TSPAN7: variants seen among roughly 807,000 people sequenced by gnomAD.
TSPAN7 encodes the protein tetraspanin 7, also known as tetraspanin-7.
TSPAN7 carries 1 observed loss-of-function variant against 17.6 expected under a neutral mutation model. The ratio of observed to expected loss-of-function variants is 0.06; its 90% confidence interval spans 0.02 to 0.27. The LOEUF is 0.27. Ranked by LOEUF, TSPAN7 falls within the 10% of genes least tolerant of loss-of-function variation. The pLI is 1.00. For synonymous variants in TSPAN7, 78 were observed against 79.0 expected (o/e 0.99, Z 0.07); for missense variants, 112 against 201.7 (o/e 0.56, Z 2.69).
intron 1 of TSPAN7, among the ~76,000 whole-genome samples, chrX:38,604,866 A>G (rs1417987082): frequency 7.2e-5 from 8 of 111,328 alleles, no homozygotes; most frequent in African/African-American, 2.6e-4. Context: ...ACAACCCTTC[A>G]TGCTAAAAAT....
intron 1 of TSPAN7, among the ~76,000 whole-genome samples, chrX:38,576,929 T>C (rs1265893108): frequency 9.0e-6 from 1 of 111,579 alleles, no homozygotes; most frequent in Non-Finnish European, 1.9e-5. Flanking sequence ...AGCTACACTT[T>C]GCAGGCCTTA....
chrX:38,620,894 C>T (rs1002005020), intron 1 of TSPAN7, among the ~76,000 whole-genome samples: 4 of 112,469 alleles, frequency 3.6e-5, no homozygotes, highest in Non-Finnish European at 7.5e-5. Context: ...TTTCCTCACT[C>T]TGTTCCCAAC....
chrX:38,586,411 G>T (rs1236836038), intron 1 of TSPAN7, among the ~76,000 whole-genome samples: 2 of 112,221 alleles, frequency 1.8e-5, no homozygotes, highest in Non-Finnish European at 3.8e-5. Context: ...ATAAAACAAT[G>T]TATTTCTTTT....
chrX:38,683,732 C>T (rs1056248404), intron 6 of TSPAN7, among the ~76,000 whole-genome samples: 1 of 112,975 alleles, frequency 8.9e-6, no homozygotes, highest in South Asian at 3.6e-4. Context: ...GGCTTCCAGA[C>T]GTCCATAGAT....
chrX:38,572,111 C>T (rs1047942914), intron 1 of TSPAN7, among the ~76,000 whole-genome samples: 3 of 111,270 alleles, frequency 2.7e-5, no homozygotes, highest in Non-Finnish European at 5.7e-5. Context: ...TAAAACAAAA[C>T]CCAGAATTCA....
At position 38,682,194 on chromosome X, in the gene TSPAN7, ATTTC is replaced by A. The variant is rs1425183390; in HGVS notation, c.681+911_681+914del. The stretch of plus-strand genomic sequence containing the variant: ...AGCTCTCATTTTTTATTATTTTTTT[ATTTC>A]TTTTTATTTAGGACCTGGTGTCTAC... On this transcript the variant is annotated intron_variant, in intron 6 of 7. Transcript: ENST00000378482. Among the ~76,000 whole-genome samples, 940 of 111,294 alleles carry A rather than the reference ATTTC, an allele frequency of 8.4e-3. 10 individuals carry two copies. Among genetic ancestry groups the A allele is most frequent in the African/African-American group, 0.029 (880 of 30,478 alleles).
chrX:38,686,542 G>A (rs1367763755), intron 6 of TSPAN7, among the ~76,000 whole-genome samples: 2 of 111,816 alleles, frequency 1.8e-5, no homozygotes, highest in Non-Finnish European at 3.8e-5. Flanking sequence ...AAGATCCCAG[G>A]CGATCGTGAT....
intron 1 of TSPAN7, chrX:38,570,984 CATTT>C (rs1378934960): frequency 1.8e-5 from 2 of 111,925 alleles, no homozygotes; most frequent in African/African-American, 6.5e-5. Context: ...CCTTTTGAAA[CATTT>C]ATTATTTTAT....
rs772494189 is a variant in TSPAN7 at position 38,570,097 on chromosome X, C to T, written c.81+8470C>T. On this transcript the variant is annotated intron_variant, in intron 1 of 7. Transcript: ENST00000378482. ...AAGGTTGCTGCTGCTTTTTCTGCCC[C>T]TCTTATTTCTTCCCACCAGATGAAG... Among the ~76,000 whole-genome samples the T allele has an allele frequency of 4.5e-5, 5 of 111,742 alleles. 1 individual carries two copies. The South Asian group carries it at 1.9e-3, about 42-fold the overall frequency.
chrX:38,567,427 G>C (rs1241597210), intron 1 of TSPAN7, among the ~76,000 whole-genome samples: 1 of 112,035 alleles, frequency 8.9e-6, no homozygotes, highest in Non-Finnish European at 1.9e-5. Context: ...TCACTATCAG[G>C]AGAACAGCAT....
intron 1 of TSPAN7, among the ~76,000 whole-genome samples, chrX:38,587,954 T>C (rs2069268051): frequency 8.9e-6 from 1 of 112,008 alleles, no homozygotes; most frequent in Non-Finnish European, 1.9e-5. Context: ...TGGTAAGTAG[T>C]AGCAGTTGTC....
At chrX:38,571,214 T>A (rs2069167976) in intron 1 of TSPAN7, among the ~76,000 whole-genome samples, 1 of 111,246 alleles carries the variant, frequency 9.0e-6, no homozygotes, top group Non-Finnish European at 1.9e-5. Flanking sequence ...GATGATGAGA[T>A]GAGTCAGACA....
intron 7 of TSPAN7, 59 bp downstream of exon 7, chrX:38,687,733 C>T: frequency 9.9e-7 from 1 of 1,014,926 alleles, no homozygotes; most frequent in Non-Finnish European, 1.4e-6. Context: ...ACTTACTACC[C>T]TTCAAATGTG....
At chrX:38,585,254 T>C (rs759690190) in intron 1 of TSPAN7, among the ~76,000 whole-genome samples, 1 of 112,096 alleles carries the variant, frequency 8.9e-6, no homozygotes, top group South Asian at 3.7e-4. Context: ...TGTATATTGG[T>C]GATAATTCTA....
intron 1 of TSPAN7, chrX:38,563,068 G>A (rs1185881864): frequency 9.3e-6 from 9 of 969,206 alleles, no homozygotes; most frequent in Non-Finnish European, 1.2e-5. Context: ...ATTTATTGAG[G>A]ATCAAAAATA....
chrX:38,584,218 G>A (rs1231985868), intron 1 of TSPAN7, among the ~76,000 whole-genome samples: 2 of 110,478 alleles, frequency 1.8e-5, no homozygotes, highest in Admixed American at 1.9e-4. Flanking sequence ...CTCCCAAAGT[G>A]CTAGGATTAT....
intron 1 of TSPAN7, among the ~76,000 whole-genome samples, chrX:38,614,953 A>G (rs760018149): frequency 9.0e-6 from 1 of 111,128 alleles, no homozygotes; most frequent in East Asian, 2.8e-4. Flanking sequence ...AAATGAATAC[A>G]GCCATAAATG....
chrX:38,612,088 G>T (rs755736407), intron 1 of TSPAN7, among the ~76,000 whole-genome samples: 35 of 112,269 alleles, frequency 3.1e-4, no homozygotes, highest in Non-Finnish European at 4.7e-4. Flanking sequence ...CCAAGTCTCT[G>T]GGAGAAATCT....
At chrX:38,671,850 C>G (rs980259680) in intron 3 of TSPAN7, among the ~76,000 whole-genome samples, 11 of 110,325 alleles carry the variant, frequency 1.0e-4, no homozygotes, top group Non-Finnish European at 1.9e-4. Context: ...TCAAGAGCAG[C>G]CTGGGCAACA....
Sources: allele counts gnomAD v4.1 joint callset (sites outside exome capture counted in the v4.1 genomes callset), GRCh38; gene constraint gnomAD v4.1.1; transcripts MANE v1.5; gene names NCBI Gene and HGNC (gene_info 2026-07-23, HGNC 2026-07-21).